Variants in C8orf82 observed in about 807,000 individuals in gnomAD.
C8orf82 encodes the protein chromosome 8 open reading frame 82, also known as UPF0598 protein C8orf82.
A neutral mutation model predicts 15.0 loss-of-function variants in C8orf82; 24 were observed. The observed-to-expected ratio is 1.60, with a 90% CI of 1.16 to 2.24. The LOEUF is 2.24. Among genes scored for constraint, C8orf82 ranks in the 30% most tolerant of loss-of-function variants. The pLI is 0.00. For missense variants in C8orf82, 388 were observed against 317.4 expected, an observed-to-expected ratio of 1.22 and a Z score of -1.69; for synonymous variants, 205 against 152.2, an observed-to-expected ratio of 1.35 and a Z score of -2.55.
In C8orf82 at chr8:144,528,994, C is replaced by A. The variant is rs1031990133; in HGVS notation, c.-78G>T. ...CGAACTCGCGCCTGCCCGCAGTAGC[C>A]CCGCGCTTCGCGTTCCGGCGGCGCC... On this transcript the variant is annotated 5_prime_UTR_variant, in exon 1 of 3. Coordinates refer to ENST00000524821, the MANE Select transcript of C8orf82 (RefSeq NM_001001795.2). The A allele has an allele frequency of 4.3e-5, 59 of 1,360,012 alleles. 2 individuals are homozygous for A. Among genetic ancestry groups the A allele is most frequent in the Non-Finnish European group, 2.1e-5 (22 of 1,055,450 alleles). The allele number at this position is 1,360,012 out of a possible 1,614,324, so 84.2% of individuals were successfully genotyped here. A position where few individuals can be genotyped will look rare whatever the true frequency, so the allele number is the denominator to read the frequency against.
rs1239158890 is a variant in C8orf82 at position 144,527,762 on chromosome 8, G to A, written c.231C>T (p.Phe77=). Reference sequence around the variant, plus strand: ...CGCTGCGGTTGGGTCTCAGGCGGGAGAAGAAGGTGACCAGGAACTGCGGGT... The same window carrying A: ...CGCTGCGGTTGGGTCTCAGGCGGGAAAAGAAGGTGACCAGGAACTGCGGGT... ...FKDPQFLVTF[F]SRLRPNRSGR... Residue 77 remains phenylalanine (F), a synonymous_variant, in exon 3 of 3, where the codon TTC becomes TTT. Transcript: ENST00000524821. 6 of 1,594,678 alleles carry A rather than the reference G, an allele frequency of 3.8e-6. No homozygotes were observed. The Admixed American group carries it at 6.7e-5, about 18-fold the overall frequency.
At position 144,527,602 on chromosome 8, in the gene C8orf82, C is replaced by T; in HGVS notation, c.391G>A (p.Gly131Ser). The part of the protein sequence containing the change: ...DHGPPRLSYC[G>S]GGEALAVPFE... ...GGCACGGCCAGGGCCTCGCCACCGC[C>T]GCAGTAGGAGAGGCGCGGAGGCCCG... The change falls in exon 3 of 3, where the codon GGC (glycine) becomes AGC (serine). Residue 131 changes from glycine to serine, a missense_variant. Physicochemically the swap from Gly to Ser is moderately conservative, Grantham distance 56 (BLOSUM62 0). Coordinates refer to ENST00000524821, the MANE Select transcript of C8orf82 (RefSeq NM_001001795.2). 2 of 1,519,612 alleles carry T rather than the reference C, an allele frequency of 1.3e-6. No homozygotes were observed. Among genetic ancestry groups the T allele is most frequent in the South Asian group, 1.2e-5 (1 of 83,178 alleles). 94.1% of individuals were successfully genotyped at this position (1,519,612 alleles called of 1,614,324 possible).
At chr8:144,528,179 T>C in intron 1 of C8orf82, 107 bp from the exon 2 acceptor site, 18 of 1,542,326 alleles carry the variant, frequency 1.2e-5, no homozygotes, top group Non-Finnish European at 1.6e-5. Flanking sequence ...CGAGCCCACT[T>C]TTCCTGCTTG....
Position 144,527,200 on chromosome 8 carries a change from C to T in C8orf82, c.*142G>A. On this transcript the variant is annotated 3_prime_UTR_variant, in exon 3 of 3. Transcript: ENST00000524821. ...GGCCGGGCCGCGGCAGCACCAAGGA[C>T]AGCGCCGGGTGGGGGCGGGGCCGAG... 2.0e-6 allele frequency: 1 copy of T among 504,022 alleles called. No individual in the cohort carries two copies. Among genetic ancestry groups the T allele is most frequent in the Non-Finnish European group, 2.8e-6 (1 of 359,986 alleles). 31.2% of individuals were successfully genotyped at this position (504,022 alleles called of 1,614,324 possible). A position where few individuals can be genotyped will look rare whatever the true frequency, so the allele number is the denominator to read the frequency against.
rs1354019655 is a variant in C8orf82 at position 144,526,311 on chromosome 8, G to C, written c.*1031C>G. On this transcript the variant is annotated 3_prime_UTR_variant, in exon 3 of 3. Coordinates refer to ENST00000524821, the MANE Select transcript of C8orf82 (RefSeq NM_001001795.2). ...GGACGCGTGTGAACCCCAAGAAGTT[G>C]GGGGCGTTATCTGGGCCCTTGGGAT... 1.3e-5 allele frequency: 2 copies of C among 152,376 alleles called. No homozygotes were observed. The highest frequency in any genetic ancestry group is 3.9e-4 in the East Asian group (2 of 5,188). The allele number at this position is 152,376 out of a possible 1,614,324, so 9.4% of individuals were successfully genotyped here. A position where few individuals can be genotyped will look rare whatever the true frequency, so the allele number is the denominator to read the frequency against.
rs1335009193 is a variant in C8orf82, at chr8:144,527,711, G to T, written c.282C>A (p.Phe94Leu). 3.1e-6 allele frequency: 5 copies of T among 1,589,558 alleles called. No homozygotes were observed. The highest frequency in any genetic ancestry group is 4.3e-6 in the Non-Finnish European group (5 of 1,175,406). ...RSGRYEAAFPFLSPCGRERNF... is the reference protein window; with the variant it reads ...RSGRYEAAFPLLSPCGRERNF... ...TGCGCTCTCTGCCGCAGGGCGAGAG[G>T]AAGGGGAAAGCGGCCTCGTAGCGCC... The change falls in exon 3 of 3, where the codon TTC (phenylalanine) becomes TTA (leucine). Residue 94 changes from phenylalanine to leucine, a missense_variant. Transcript: ENST00000524821.
At chr8:144,527,823 G>T (rs1311562524) in intron 2 of C8orf82, 36 bp from the exon 3 acceptor site, 2 of 1,584,498 alleles carry the variant, frequency 1.3e-6, no homozygotes, top group South Asian at 1.1e-5. Context: ...CAGCGCGCTG[G>T]GCTCCCAAGG....
intron 1 of C8orf82, 199 bp from the exon 2 acceptor site, chr8:144,528,271 T>C (rs1326362129): frequency 6.6e-7 from 1 of 1,505,460 alleles, no homozygotes; most frequent in Admixed American, 2.0e-5. Flanking sequence ...TGCGCACCTC[T>C]GCTCCCTGGT....
chr8:144,525,865 G>A lies in C8orf82; in HGVS notation c.*1477C>T, dbSNP rs924082487. On this transcript the variant is annotated 3_prime_UTR_variant, in exon 3 of 3. Transcript: ENST00000524821. ...TGGTGTGGCTTCCCAAGTGGGCTCTGGGAGCAGTGTGACCTCTGAGATCAG... is the reference window on the plus strand; with the variant it reads ...TGGTGTGGCTTCCCAAGTGGGCTCTAGGAGCAGTGTGACCTCTGAGATCAG... 2.0e-5 allele frequency: 3 copies of A among 152,204 alleles called. No individual in the cohort carries two copies. The highest frequency in any genetic ancestry group is 7.2e-5 in the African/African-American group (3 of 41,438). The allele number at this position is 152,204 out of a possible 1,614,324, so 9.4% of individuals were successfully genotyped here. A position where few individuals can be genotyped will look rare whatever the true frequency, so the allele number is the denominator to read the frequency against.
chr8:144,528,135 G>A, intron 1 of C8orf82, 63 bp from the exon 2 acceptor site: 1 of 1,593,288 alleles, frequency 6.3e-7, no homozygotes, highest in Non-Finnish European at 8.6e-7. Flanking sequence ...GGAAGCTCAG[G>A]AGGTCCTGAA....
rs1385362959 is a variant in C8orf82 at position 144,527,440 on chromosome 8, C to G, written c.553G>C (p.Gly185Arg). 1.6e-6 allele frequency: 2 copies of G among 1,238,398 alleles called. No homozygotes were observed. Among genetic ancestry groups the G allele is most frequent in the East Asian group, 3.9e-5 (1 of 25,854 alleles). The allele number at this position is 1,238,398 out of a possible 1,614,324, so 76.7% of individuals were successfully genotyped here. A position where few individuals can be genotyped will look rare whatever the true frequency, so the allele number is the denominator to read the frequency against. ...ACGTGCGAGGGCAGCGCAGGCGCGC[C>G]GGGCCCGTACTCGAAGCAGGCGCTG... is the stretch of plus-strand genomic sequence containing the variant. Reference protein sequence around the residue: ...ELSACFEYGPGAPALPSHVRW... With the variant: ...ELSACFEYGPRAPALPSHVRW... Residue 185 changes from glycine to arginine, a missense_variant, in exon 3 of 3, where the codon GGC (glycine) becomes CGC (arginine). Transcript: ENST00000524821.
Position 144,528,990 on chromosome 8 carries a change from T to C in C8orf82, c.-74A>G, listed in dbSNP as rs1816522324. The C allele has an allele frequency of 7.2e-7, 1 of 1,381,568 alleles. No homozygotes were observed. The highest frequency in any genetic ancestry group is 9.4e-7 in the Non-Finnish European group (1 of 1,066,198). The allele number at this position is 1,381,568 out of a possible 1,614,324, so 85.6% of individuals were successfully genotyped here. On this transcript the variant is annotated 5_prime_UTR_variant, in exon 1 of 3. Coordinates refer to ENST00000524821, the MANE Select transcript of C8orf82 (RefSeq NM_001001795.2). The stretch of plus-strand genomic sequence containing the variant: ...TGCGCGAACTCGCGCCTGCCCGCAG[T>C]AGCCCCGCGCTTCGCGTTCCGGCGG...
In C8orf82 at chr8:144,527,380, C is replaced by A; in HGVS notation, c.613G>T (p.Asp205Tyr). 1 of 1,239,908 alleles carries A rather than the reference C, an allele frequency of 8.1e-7. No individual in the cohort carries two copies. Among genetic ancestry groups the A allele is most frequent in the Non-Finnish European group, 1.0e-6 (1 of 986,190 alleles). 76.8% of individuals were successfully genotyped at this position (1,239,908 alleles called of 1,614,324 possible). The change falls in exon 3 of 3, where the codon GAC (aspartate) becomes TAC (tyrosine). Residue 205 changes from aspartate to tyrosine, a missense_variant. Coordinates refer to ENST00000524821, the MANE Select transcript of C8orf82 (RefSeq NM_001001795.2). ...WQGRRLALTM[D>Y]LAPLLLAARS... The stretch of plus-strand genomic sequence containing the variant: ...GCCGCGAGCAGCAGCGGGGCCAGGT[C>A]CATGGTGAGGGCGAGGCGGCGGCCC...
At chr8:144,528,411 AAGGC>A in intron 1 of C8orf82, 2 of 1,489,558 alleles carry the variant, frequency 1.3e-6, no homozygotes, top group Non-Finnish European at 1.8e-6. Context: ...CTTCCAAAAA[AAGGC>A]AGGGCGGCCC....
In C8orf82 at chr8:144,529,084, G is replaced by T; in HGVS notation, c.-168C>A. On this transcript the variant is annotated 5_prime_UTR_variant, in exon 1 of 3. Transcript: ENST00000524821. ...CGGGCCTCGGGGGCTCGCCCGCCCT[G>T]GCCTTCCGAGAGGCGTGTGCCGGTG... The T allele has an allele frequency of 3.2e-6, 2 of 617,984 alleles. No homozygotes were observed. The highest frequency in any genetic ancestry group is 6.3e-5 in the South Asian group (2 of 31,660). The allele number at this position is 617,984 out of a possible 1,614,324, so 38.3% of individuals were successfully genotyped here. A position where few individuals can be genotyped will look rare whatever the true frequency, so the allele number is the denominator to read the frequency against.
In C8orf82 at chr8:144,527,517, G is replaced by A; in HGVS notation, c.476C>T (p.Pro159Leu). The change falls in exon 3 of 3, where the codon CCG becomes CTG. Residue 159 changes from proline (P) to leucine (L), a missense_variant. Coordinates refer to ENST00000524821, the MANE Select transcript of C8orf82 (RefSeq NM_001001795.2). ...AANGRLYHPAPERAGGVGLVR... is the reference protein window; with the variant it reads ...AANGRLYHPALERAGGVGLVR... ...CAGGCCCACGCCGCCCGCACGCTCC[G>A]GCGCCGGGTGGTACAGGCGCCCGTT... The A allele has an allele frequency of 2.2e-6, 3 of 1,341,214 alleles. No individual in the cohort carries two copies. The highest frequency in any genetic ancestry group is 2.8e-4 in the Middle Eastern group (1 of 3,546). 83.1% of individuals were successfully genotyped at this position (1,341,214 alleles called of 1,614,324 possible).
Position 144,528,944 on chromosome 8 carries a change from A to AG in C8orf82, c.-29dup. ...TCCTCCCGCGCCGGAAGCGACCAGC[A>AG]GGTCACGCCGGGGGCGGTGCTGCGC... is the stretch of plus-strand genomic sequence containing the variant. On this transcript the variant is annotated 5_prime_UTR_variant, in exon 1 of 3. Transcript: ENST00000524821. 2.7e-6 allele frequency: 4 copies of AG among 1,494,526 alleles called. No individual in the cohort carries two copies. Among genetic ancestry groups the AG allele is most frequent in the East Asian group, 2.9e-5 (1 of 34,344 alleles). The allele number at this position is 1,494,526 out of a possible 1,614,324, so 92.6% of individuals were successfully genotyped here.
rs1161833856 is a variant in C8orf82 at position 144,527,555 on chromosome 8, C to T, written c.438G>A (p.Leu146=). ...ACAGGCGCCCGTTGGCGGCCAGGGG[C>T]AGCAGGCGCGCCGGCTCGAAGGGCA... ...LAVPFEPARL[L]PLAANGRLYH... Residue 146 remains leucine (L), a synonymous_variant, in exon 3 of 3, where the codon CTG becomes CTA. Transcript: ENST00000524821. The T allele has an allele frequency of 2.8e-6, 4 of 1,420,586 alleles. No individual in the cohort carries two copies. Among genetic ancestry groups the T allele is most frequent in the Non-Finnish European group, 2.7e-6 (3 of 1,096,098 alleles). The allele number at this position is 1,420,586 out of a possible 1,614,324, so 88.0% of individuals were successfully genotyped here.
At position 144,527,800 on chromosome 8, in the gene C8orf82, G is replaced by A. The variant is rs578236909; in HGVS notation, c.206-13C>T. 8.2e-6 allele frequency: 13 copies of A among 1,593,444 alleles called. No homozygotes were observed. Among genetic ancestry groups the A allele is most frequent in the East Asian group, 2.2e-5 (1 of 44,618 alleles). On this transcript the variant is annotated splice_polypyrimidine_tract_variant and intron_variant, in intron 2 of 2. Coordinates refer to ENST00000524821, the MANE Select transcript of C8orf82 (RefSeq NM_001001795.2). ...AGGAACTGCGGGTCTGGGGGATGAA[G>A]GGTGCGTGTACTCAGCGCGCTGGGC...
Sources: gnomAD v4.1 joint callset for allele counts on GRCh38, gnomAD v4.1.1 for gene constraint, MANE v1.5 for transcripts, NCBI Gene and HGNC (gene_info 2026-07-23, HGNC 2026-07-21) for gene names.